The following FAM186A variants were observed in gnomAD, a reference collection of about 807,000 sequenced individuals.
The protein encoded by FAM186A is protein FAM186A.
FAM186A carries 163 observed loss-of-function variants against 216.8 expected under a neutral mutation model. The ratio of observed to expected loss-of-function variants is 0.75; its 90% CI spans 0.66 to 0.86. The LOEUF is 0.86. Ranked by LOEUF, FAM186A falls within the 40% of genes least tolerant of loss-of-function variation. The pLI, the probability that FAM186A is intolerant of heterozygous loss-of-function variation, is 0.00. For missense variants in FAM186A, 2,184 were observed against 2,746.2 expected, an observed-to-expected ratio of 0.80 and a Z score of 4.58; for synonymous variants, 805 against 1,025.3, an observed-to-expected ratio of 0.79 and a Z score of 4.10.
chr12:50,381,736 G>A (rs1943255250), intron 1 of FAM186A, among the ~76,000 whole-genome samples: 1 of 152,170 alleles, frequency 6.6e-6, no homozygotes, highest in Non-Finnish European at 1.5e-5. Flanking sequence ...AAGGTGGGAA[G>A]ATCACTTGAG....
In FAM186A at chr12:50,396,578, CT is replaced by C; in HGVS notation, c.-95del. 5 of 1,229,052 alleles carry C rather than the reference CT, an allele frequency of 4.1e-6. No individual in the cohort carries two copies. The highest frequency in any genetic ancestry group is 5.6e-6 in the Non-Finnish European group (5 of 899,592). The allele number at this position is 1,229,052 out of a possible 1,614,324, so 76.1% of individuals were successfully genotyped here. On this transcript the variant is annotated 5_prime_UTR_variant, in exon 1 of 8. The change creates a premature stop within an existing upstream ORF in the 5' untranslated region. Transcript: ENST00000327337. ...TATCCAGTAGGAAGCTAGGAGAGGT[CT>C]TTCCTGATCCTAGAAGTTGTGGCAT...
chr12:50,364,102 C>T (rs1943064226), intron 1 of FAM186A, among the ~76,000 whole-genome samples: 1 of 152,038 alleles, frequency 6.6e-6, no homozygotes, highest in Admixed American at 6.6e-5. Flanking sequence ...GTAGAGGGTA[C>T]TAAGGAATGC....
At chr12:50,365,038 CAAAA>C in intron 1 of FAM186A, among the ~76,000 whole-genome samples, 1 of 110,804 alleles carries the variant, frequency 9.0e-6, no homozygotes, top group Admixed American at 1.1e-4. Context: ...AACTCCGTCT[CAAAA>C]AAAAAAAAAA....
At chr12:50,380,463 G>A (rs1943243350) in intron 1 of FAM186A, among the ~76,000 whole-genome samples, 1 of 147,918 alleles carries the variant, frequency 6.8e-6, no homozygotes, top group South Asian at 2.1e-4. Context: ...ATCACCTGAG[G>A]TCAGGAGTTC....
chr12:50,380,924 C>T (rs780207555), intron 1 of FAM186A, among the ~76,000 whole-genome samples: 2 of 152,148 alleles, frequency 1.3e-5, no homozygotes, highest in Admixed American at 6.5e-5. Flanking sequence ...GCATTGGGCC[C>T]GGCCACTGTG....
intron 1 of FAM186A, among the ~76,000 whole-genome samples, chr12:50,392,852 C>T (rs1308400522): frequency 7.0e-6 from 1 of 142,576 alleles, no homozygotes. Flanking sequence ...AGCTCATGAT[C>T]CGCCCGCCCC....
chr12:50,351,131 G>A lies in FAM186A; in HGVS notation c.5701C>T (p.Gln1901Ter). ...TGCTGCCCAGGGGTAGAAGGAGCCT[G>A]CAGATAGGGAGATTGCTCAGCAGTG... is the stretch of plus-strand genomic sequence containing the variant. ...PATAEQSPYL[Q>*]APSTPGQHLA... The change falls in exon 4 of 8, where the codon CAG (glutamine) becomes TAG (stop). Residue 1901 changes from glutamine to a stop codon, truncating the protein, a stop_gained. Transcript: ENST00000327337. LOFTEE classifies it high-confidence loss of function. The A allele has an allele frequency of 6.4e-7, 1 of 1,551,578 alleles. No individual in the cohort carries two copies. The highest frequency in any genetic ancestry group is 1.4e-5 in the African/African-American group (1 of 73,144).
chr12:50,395,045 A>G (rs1943400487), intron 1 of FAM186A, among the ~76,000 whole-genome samples: 1 of 151,598 alleles, frequency 6.6e-6, no homozygotes, highest in Non-Finnish European at 1.5e-5. Context: ...TTCCTTAAAC[A>G]TAGGAAAGAA....
intron 1 of FAM186A, among the ~76,000 whole-genome samples, chr12:50,376,078 A>G (rs1943195421): frequency 6.6e-6 from 1 of 152,188 alleles, no homozygotes; most frequent in Non-Finnish European, 1.5e-5. Flanking sequence ...TGGACCAGAC[A>G]TACCACAAGC....
chr12:50,353,998 T>C lies in FAM186A; in HGVS notation c.2834A>G (p.Gln945Arg). 6.4e-7 allele frequency: 1 copy of C among 1,552,020 alleles called. No individual in the cohort carries two copies. Among genetic ancestry groups the C allele is most frequent in the Admixed American group, 2.0e-5 (1 of 51,014 alleles). The change falls in exon 4 of 8, where the codon CAG (glutamine) becomes CGG (arginine). Residue 945 changes from glutamine (Q) to arginine (R), a missense_variant. Around this residue, in one of 7 missense-constraint regions of FAM186A, gnomAD observed 1,132 missense variants for 1,263.4 expected, o/e 0.90. Transcript: ENST00000327337. ...QGLLLEKENG[Q>R]MRQIQKEAKH... Reference sequence around the variant, plus strand: ...CGCTTCCTTCTGAATCTGCCTCATCTGTCCATTCTCCTTTTCCAAGAGCAA... The same window carrying C: ...CGCTTCCTTCTGAATCTGCCTCATCCGTCCATTCTCCTTTTCCAAGAGCAA...
At chr12:50,395,691 T>C (rs1943405796) in intron 1 of FAM186A, among the ~76,000 whole-genome samples, 1 of 152,176 alleles carries the variant, frequency 6.6e-6, no homozygotes, top group African/African-American at 2.4e-5. Context: ...TAAAAGGAGC[T>C]AGAATTCAAA....
At chr12:50,368,015 G>A (rs1943106975) in intron 1 of FAM186A, among the ~76,000 whole-genome samples, 1 of 151,940 alleles carries the variant, frequency 6.6e-6, no homozygotes, top group African/African-American at 2.4e-5. Context: ...TATGATGGTG[G>A]GTGTTTGTAA....
intron 4 of FAM186A, among the ~76,000 whole-genome samples, chr12:50,345,038 A>G (rs1942799191): frequency 6.6e-6 from 1 of 152,102 alleles, no homozygotes; most frequent in Admixed American, 6.6e-5. Context: ...GATCACCTGA[A>G]GTCAGGAGTT....
chr12:50,337,278 T>C (rs1286339693), intron 4 of FAM186A, among the ~76,000 whole-genome samples: 1 of 147,968 alleles, frequency 6.8e-6, no homozygotes, highest in Non-Finnish European at 1.5e-5. Flanking sequence ...GATGTAGTTT[T>C]AGAGATAATT....
intron 4 of FAM186A, among the ~76,000 whole-genome samples, chr12:50,345,685 C>T (rs1170813679): frequency 6.6e-6 from 1 of 152,024 alleles, no homozygotes; most frequent in East Asian, 1.9e-4. Context: ...TCTGGGTTCT[C>T]TATTCTGTTC....
intron 3 of FAM186A, among the ~76,000 whole-genome samples, chr12:50,359,736 C>T (rs1943014059): frequency 6.6e-6 from 1 of 152,140 alleles, no homozygotes; most frequent in South Asian, 2.1e-4. Flanking sequence ...TGCCCTATAA[C>T]ATGGCTGAAT....
chr12:50,336,596 A>G (rs1412461948), intron 4 of FAM186A, among the ~76,000 whole-genome samples: 1 of 152,180 alleles, frequency 6.6e-6, no homozygotes, highest in Non-Finnish European at 1.5e-5. Context: ...TTTGAAAACC[A>G]TTGTGCTTAC....
intron 1 of FAM186A, among the ~76,000 whole-genome samples, chr12:50,378,569 T>C (rs1442486093): frequency 2.4e-4 from 3 of 12,642 alleles, no homozygotes; most frequent in African/African-American, 2.7e-4. Flanking sequence ...TATATATATA[T>C]ATATACACAT....
At position 50,328,809 on chromosome 12, in the gene FAM186A, C is replaced by G. The variant is rs574133553; in HGVS notation, c.7035-1405G>C. 2.6e-5 allele frequency among the ~76,000 whole-genome samples: 4 copies of G among 152,222 alleles called. No homozygotes were observed. The East Asian group carries it at 7.7e-4, about 29-fold the overall frequency. ...AGGCATGAGCCACCACTCCTGGCCT[C>G]GAAGTAGGTTTTAAAACATGTCCAG... On this transcript the variant is annotated intron_variant, in intron 7 of 7. Coordinates refer to ENST00000327337, the MANE Select transcript of FAM186A (RefSeq NM_001145475.3).
Sources: allele counts gnomAD v4.1 joint callset (sites outside exome capture counted in the v4.1 genomes callset), GRCh38; gene constraint gnomAD v4.1.1; regional missense constraint gnomAD v4.1.1; transcripts MANE v1.5; gene names NCBI Gene and HGNC (gene_info 2026-07-23, HGNC 2026-07-21).